Variants in ST18 observed in about 807,000 individuals in gnomAD.
The protein encoded by ST18 is suppression of tumorigenicity 18 protein.
In ST18, 50 loss-of-function variants were observed where a neutral mutation model predicts 110.0. That is an observed-to-expected ratio of 0.45 (90% confidence interval 0.36 to 0.58). The LOEUF is 0.58. ST18 is among the 20% of genes least tolerant of loss of function. The pLI, the probability that ST18 is intolerant of heterozygous loss-of-function variation, is 0.00. For synonymous variants in ST18, 461 were observed against 452.4 expected (o/e 1.02, Z -0.24); for missense variants, 1,306 against 1,280.1 (o/e 1.02, Z -0.31).
At chr8:52,299,898 C>T (rs2095690762) in intron 2 of ST18, among the ~76,000 whole-genome samples, 1 of 152,164 alleles carries the variant, frequency 6.6e-6, no homozygotes, top group South Asian at 2.1e-4. Context: ...AGGTGTAGCC[C>T]CTGGGTCCTG....
At chr8:52,359,832 TA>T (rs1424270091) in intron 2 of ST18, among the ~76,000 whole-genome samples, 1 of 152,170 alleles carries the variant, frequency 6.6e-6, no homozygotes, top group African/African-American at 2.4e-5. Context: ...TTGATTGCTA[TA>T]ATTAAATTTG....
At chr8:52,288,510 G>A (rs1460679245) in intron 2 of ST18, among the ~76,000 whole-genome samples, 1 of 151,936 alleles carries the variant, frequency 6.6e-6, no homozygotes, top group Non-Finnish European at 1.5e-5. Context: ...GACCAGCTTG[G>A]CCAACAGGGT....
chr8:52,237,836 T>A (rs980160723), intron 2 of ST18, among the ~76,000 whole-genome samples: 6 of 151,990 alleles, frequency 3.9e-5, no homozygotes, highest in African/African-American at 1.5e-4. Context: ...AGCCCTTGTA[T>A]CTAGAATAAA....
intron 2 of ST18, among the ~76,000 whole-genome samples, chr8:52,398,186 T>C (rs1230339552): frequency 1.3e-5 from 2 of 152,166 alleles, no homozygotes; most frequent in Non-Finnish European, 2.9e-5. Context: ...TCTAAACAAT[T>C]GAAATGGGAT....
At chr8:52,274,363 C>T (rs1464086948) in intron 2 of ST18, among the ~76,000 whole-genome samples, 4 of 151,988 alleles carry the variant, frequency 2.6e-5, no homozygotes, top group African/African-American at 9.7e-5. Context: ...CGTGTATATA[C>T]ATATATATGT....
chr8:52,363,054 T>A (rs894750410), intron 2 of ST18, among the ~76,000 whole-genome samples: 10 of 152,012 alleles, frequency 6.6e-5, no homozygotes, highest in African/African-American at 2.4e-4. Flanking sequence ...ACTAAAAAAA[T>A]ACAAAAAATT....
chr8:52,129,399 A>G (rs536134198), intron 22 of ST18, among the ~76,000 whole-genome samples: 1 of 144,812 alleles, frequency 6.9e-6, no homozygotes, highest in South Asian at 2.3e-4. Context: ...GGTTGCAGTG[A>G]GCTGAGATCA....
intron 11 of ST18, 22 bp downstream of exon 11, chr8:52,166,830 T>C (rs199647912): frequency 6.8e-5 from 105 of 1,543,024 alleles, no homozygotes; most frequent in Non-Finnish European, 8.4e-5. Context: ...AGCAGAAGCT[T>C]TGAGGGACAA....
At chr8:52,205,115 A>ACG (rs537468797) in intron 8 of ST18, among the ~76,000 whole-genome samples, 2,726 of 149,958 alleles carry the variant, frequency 0.018, 27 homozygotes, top group Middle Eastern at 0.024. Flanking sequence ...ACACACACAC[A>ACG]CTATGCTTTA....
intron 23 of ST18, among the ~76,000 whole-genome samples, chr8:52,121,991 G>A (rs1043592528): frequency 3.9e-5 from 6 of 152,072 alleles, no homozygotes; most frequent in East Asian, 1.9e-4. Context: ...GACTACAGGC[G>A]TACGCCACCA....
intron 2 of ST18, among the ~76,000 whole-genome samples, chr8:52,307,488 T>A (rs2095833667): frequency 6.6e-6 from 1 of 152,196 alleles, no homozygotes; most frequent in African/African-American, 2.4e-5. Flanking sequence ...GAGTATTAAC[T>A]ATTAGAATTC....
intron 13 of ST18, among the ~76,000 whole-genome samples, 165 bp downstream of exon 13, chr8:52,163,821 T>C (rs1431788180): frequency 6.6e-6 from 1 of 152,146 alleles, no homozygotes. Context: ...ACGATGTCAT[T>C]AACTAGACCA....
At chr8:52,285,236 T>C (rs1317643957) in intron 2 of ST18, among the ~76,000 whole-genome samples, 1 of 152,214 alleles carries the variant, frequency 6.6e-6, no homozygotes, top group Non-Finnish European at 1.5e-5. Context: ...CCATAACGCT[T>C]GATTCTGGTC....
intron 9 of ST18, among the ~76,000 whole-genome samples, chr8:52,179,541 C>T (rs1362083563): frequency 6.6e-6 from 1 of 152,050 alleles, no homozygotes; most frequent in Non-Finnish European, 1.5e-5. Flanking sequence ...TACTTGATTG[C>T]TATAAGCATT....
intron 2 of ST18, among the ~76,000 whole-genome samples, chr8:52,251,668 C>T (rs576885243): frequency 6.6e-6 from 1 of 152,104 alleles, no homozygotes; most frequent in Admixed American, 6.6e-5. Flanking sequence ...GTGTTTTCAC[C>T]TATATGCATT....
chr8:52,316,004 T>C (rs1207955395), intron 2 of ST18, among the ~76,000 whole-genome samples: 1 of 152,246 alleles, frequency 6.6e-6, no homozygotes, highest in Non-Finnish European at 1.5e-5. Context: ...CTTATTCATA[T>C]ACACATAAAT....
At chr8:52,166,364 G>A (rs995131895) in intron 11 of ST18, among the ~76,000 whole-genome samples, 3 of 152,252 alleles carry the variant, frequency 2.0e-5, no homozygotes, top group African/African-American at 4.8e-5. Flanking sequence ...TTTACTGGGC[G>A]CTCACCCTCT....
chr8:52,162,005 T>C (rs2061583250), intron 13 of ST18, among the ~76,000 whole-genome samples: 2 of 152,042 alleles, frequency 1.3e-5, no homozygotes, highest in Admixed American at 6.6e-5. Context: ...AGCTCAGGAG[T>C]TCGAGACCAG....
chr8:52,250,445 C>CAAAAAAAAAAAAAAAAAAA lies in ST18; in HGVS notation c.-464-20387_-464-20369dup, dbSNP rs1159770176. 1.9e-3 allele frequency among the ~76,000 whole-genome samples: 8 copies of CAAAAAAAAAAAAAAAAAAA among 4,282 alleles called. 2 individuals are homozygous for CAAAAAAAAAAAAAAAAAAA. The highest frequency in any genetic ancestry group is 2.9e-3 in the African/African-American group (3 of 1,020). 2.8% of individuals were successfully genotyped at this position (4,282 alleles called of 152,430 possible). ...TGACACTGTGGAAGAGCCTCAAAGGCAAAAAAAAAAAAAAAAAAAAAAAAA... is the reference window on the plus strand; with the variant it reads ...TGACACTGTGGAAGAGCCTCAAAGGCAAAAAAAAAAAAAAAAAAAAAAAAAAAAAAAAAAAAAAAAAAAA... On this transcript the variant is annotated intron_variant, in intron 2 of 25. Coordinates refer to ENST00000689386, the MANE Select transcript of ST18 (RefSeq NM_001352837.2).
Sources: allele counts gnomAD v4.1 joint callset (sites outside exome capture counted in the v4.1 genomes callset), GRCh38; gene constraint gnomAD v4.1.1; transcripts MANE v1.5; gene names NCBI Gene and HGNC (gene_info 2026-07-23, HGNC 2026-07-21).